The following ARHGAP15 variants were observed in gnomAD, a reference collection of about 807,000 sequenced individuals.
The protein encoded by ARHGAP15 is Rho GTPase activating protein 15, also known as rho GTPase-activating protein 15.
Under a neutral mutation model 63.7 loss-of-function variants are expected in ARHGAP15, and 51 were observed. That is an observed-to-expected ratio of 0.80 (90% CI 0.64 to 1.01). The LOEUF (loss-of-function observed/expected upper bound fraction) is 1.01, where lower values mean the gene tolerates loss of function less well. ARHGAP15 is among the 50% of genes least tolerant of loss of function. ARHGAP15 has a pLI of 0.00. For synonymous variants in ARHGAP15, 191 were observed against 193.8 expected, an observed-to-expected ratio of 0.99 and a Z score of 0.12; for missense variants, 560 against 564.6, an observed-to-expected ratio of 0.99 and a Z score of 0.08.
At chr2:143,198,783 T>A (rs1446494056) in intron 2 of ARHGAP15, among the ~76,000 whole-genome samples, 1 of 152,136 alleles carries the variant, frequency 6.6e-6, no homozygotes, top group Non-Finnish European at 1.5e-5. Flanking sequence ...ACTGACATAG[T>A]TAAAGGCCAA....
chr2:143,561,209 T>C (rs916491843), intron 11 of ARHGAP15, among the ~76,000 whole-genome samples: 1 of 152,220 alleles, frequency 6.6e-6, no homozygotes, highest in Non-Finnish European at 1.5e-5. Flanking sequence ...TGCCCATCTA[T>C]GCCTTAGGCT....
intron 12 of ARHGAP15, among the ~76,000 whole-genome samples, chr2:143,667,431 G>C: frequency 1.0e-5 from 1 of 95,346 alleles, no homozygotes; most frequent in Non-Finnish European, 2.1e-5. Context: ...GGGGTCGGGG[G>C]AGGGGGGAGA....
At chr2:143,190,684 G>C (rs534601874) in intron 2 of ARHGAP15, among the ~76,000 whole-genome samples, 1 of 152,336 alleles carries the variant, frequency 6.6e-6, no homozygotes, top group East Asian at 1.9e-4. Flanking sequence ...AATGATGGCT[G>C]TTGCAGGCAG....
chr2:143,662,245 T>A (rs1681852888), intron 12 of ARHGAP15, among the ~76,000 whole-genome samples: 1 of 151,826 alleles, frequency 6.6e-6, no homozygotes. Flanking sequence ...CCTCCTCAAG[T>A]GGGTCCCTGA....
At chr2:143,457,998 C>T (rs1275523827) in intron 8 of ARHGAP15, among the ~76,000 whole-genome samples, 1 of 151,804 alleles carries the variant, frequency 6.6e-6, no homozygotes, top group Non-Finnish European at 1.5e-5. Context: ...AAATCAATCA[C>T]ATGTAAAACA....
rs376496162 is a variant in ARHGAP15 at position 143,160,906 on chromosome 2, C to G, written c.165+5251C>G. On this transcript the variant is annotated intron_variant, in intron 2 of 13. Coordinates refer to ENST00000295095, the MANE Select transcript of ARHGAP15 (RefSeq NM_018460.4). ...TTCAAAGAAAGAGCTAGGGCTCTCA[C>G]AACCACATATGTGGCTGCACCGTTT... Among the ~76,000 whole-genome samples, 15 of 152,122 alleles carry G rather than the reference C, an allele frequency of 9.9e-5. 1 individual carries two copies. The East Asian group carries it at 1.2e-3, about 12-fold the overall frequency.
intron 6 of ARHGAP15, among the ~76,000 whole-genome samples, chr2:143,341,549 G>A (rs893517892): frequency 2.0e-4 from 30 of 152,024 alleles, no homozygotes; most frequent in African/African-American, 6.3e-4. Flanking sequence ...TTTCCTTTTC[G>A]GTTTTGGTTA....
At chr2:143,475,735 T>C (rs1574500844) in intron 8 of ARHGAP15, among the ~76,000 whole-genome samples, 1 of 152,234 alleles carries the variant, frequency 6.6e-6, no homozygotes, top group South Asian at 2.1e-4. Flanking sequence ...GCCATCCTCC[T>C]GGGCCATAGC....
chr2:143,356,439 A>G (rs2105326026), intron 6 of ARHGAP15, among the ~76,000 whole-genome samples: 1 of 152,278 alleles, frequency 6.6e-6, no homozygotes, highest in East Asian at 1.9e-4. Context: ...TTTATACTTC[A>G]AACTGAAGTA....
At chr2:143,354,227 TC>T (rs1685707699) in intron 6 of ARHGAP15, among the ~76,000 whole-genome samples, 1 of 152,156 alleles carries the variant, frequency 6.6e-6, no homozygotes, top group South Asian at 2.1e-4. Context: ...CTGCAGCTCC[TC>T]CCTCCAAGGA....
intron 12 of ARHGAP15, among the ~76,000 whole-genome samples, chr2:143,670,429 G>A (rs1682458777): frequency 6.6e-6 from 1 of 152,176 alleles, no homozygotes; most frequent in South Asian, 2.1e-4. Context: ...CCAGCAAAAA[G>A]GCAGTGCAAA....
intron 3 of ARHGAP15, among the ~76,000 whole-genome samples, chr2:143,210,204 T>C (rs1692512348): frequency 6.6e-6 from 1 of 151,950 alleles, no homozygotes; most frequent in Admixed American, 6.6e-5. Flanking sequence ...GGGTGGAAGT[T>C]GGGTGGTGCA....
At chr2:143,388,752 A>G (rs1180930144) in intron 6 of ARHGAP15, among the ~76,000 whole-genome samples, 1 of 152,112 alleles carries the variant, frequency 6.6e-6, no homozygotes, top group East Asian at 1.9e-4. Flanking sequence ...AATCTAACTT[A>G]TATATTCCAT....
chr2:143,289,756 G>T (rs1682294779), intron 6 of ARHGAP15, among the ~76,000 whole-genome samples: 1 of 152,130 alleles, frequency 6.6e-6, no homozygotes, highest in Non-Finnish European at 1.5e-5. Context: ...CTTATTACTT[G>T]TCCTTTCAAT....
chr2:143,462,929 G>A (rs569098989), intron 8 of ARHGAP15, among the ~76,000 whole-genome samples: 68 of 152,286 alleles, frequency 4.5e-4, no homozygotes, highest in South Asian at 1.4e-3. Context: ...CCAAGGCAGA[G>A]GCTATTTGGG....
At chr2:143,276,330 T>C (rs950692190) in intron 6 of ARHGAP15, among the ~76,000 whole-genome samples, 25 of 152,224 alleles carry the variant, frequency 1.6e-4, no homozygotes, top group Admixed American at 3.3e-4. Flanking sequence ...TATAGCTTGG[T>C]CTGTTTTCTT....
intron 6 of ARHGAP15, among the ~76,000 whole-genome samples, chr2:143,321,838 G>A (rs545213614): frequency 7.2e-5 from 11 of 152,210 alleles, no homozygotes; most frequent in African/African-American, 1.7e-4. Flanking sequence ...TGGGACCACC[G>A]GGTACACACC....
intron 6 of ARHGAP15, among the ~76,000 whole-genome samples, chr2:143,399,379 CCTT>C (rs1687904665): frequency 6.6e-6 from 1 of 151,732 alleles, no homozygotes; most frequent in Non-Finnish European, 1.5e-5. Context: ...AAAAAAATGC[CCTT>C]CTTGGCAGCT....
intron 6 of ARHGAP15, among the ~76,000 whole-genome samples, chr2:143,385,709 G>A (rs1687258283): frequency 6.6e-6 from 1 of 152,126 alleles, no homozygotes; most frequent in Non-Finnish European, 1.5e-5. Flanking sequence ...GGATGGCTTT[G>A]AAGTACCATA....
Sources: allele counts gnomAD v4.1 joint callset (sites outside exome capture counted in the v4.1 genomes callset), GRCh38; gene constraint gnomAD v4.1.1; transcripts MANE v1.5; gene names NCBI Gene and HGNC (gene_info 2026-07-23, HGNC 2026-07-21).